Variants in EDA observed in about 807,000 individuals in gnomAD.
EDA encodes ectodysplasin-A.
EDA carries 2 observed loss-of-function variants against 23.6 expected under a neutral mutation model. The observed-to-expected ratio is 0.08, with a 90% CI of 0.03 to 0.27. The LOEUF is 0.27. Ranked by LOEUF, EDA falls within the 10% of genes least tolerant of loss-of-function variation. The probability of loss-of-function intolerance (pLI) is 1.00; values close to 1 mark genes in which losing one functional copy is unlikely to be tolerated. For synonymous variants in EDA, 131 were observed against 132.0 expected (o/e 0.99, Z 0.05); for missense variants, 229 against 324.2 (o/e 0.71, Z 2.26).
intron 1 of EDA, among the ~76,000 whole-genome samples, chrX:69,925,875 G>A (rs2018510572): frequency 9.3e-6 from 1 of 107,697 alleles, no homozygotes; most frequent in African/African-American, 3.4e-5. Flanking sequence ...TTTCTTCCTG[G>A]TTTAGTCTTG....
intron 1 of EDA, among the ~76,000 whole-genome samples, chrX:69,799,232 A>G (rs940557789): frequency 5.4e-5 from 6 of 111,606 alleles, no homozygotes; most frequent in African/African-American, 2.0e-4. Context: ...CTATGAAACT[A>G]CTAAAAGAAA....
intron 1 of EDA, among the ~76,000 whole-genome samples, chrX:69,728,422 G>A (rs1396334928): frequency 8.9e-6 from 1 of 111,945 alleles, no homozygotes; most frequent in African/African-American, 3.3e-5. Context: ...AAAACATCCT[G>A]TGGAGAAAGA....
At chrX:69,893,455 A>G (rs766090668) in intron 1 of EDA, among the ~76,000 whole-genome samples, 1 of 112,028 alleles carries the variant, frequency 8.9e-6, no homozygotes, top group Non-Finnish European at 1.9e-5. Context: ...TGAATCCAAG[A>G]CAGGTTTAGT....
At chrX:69,713,776 A>G (rs1406739345) in intron 1 of EDA, among the ~76,000 whole-genome samples, 1 of 111,894 alleles carries the variant, frequency 8.9e-6, no homozygotes. Context: ...CTGTTGAAGG[A>G]CATCAAGGCT....
At chrX:69,692,227 A>G (rs1040854887) in intron 1 of EDA, among the ~76,000 whole-genome samples, 5 of 111,480 alleles carry the variant, frequency 4.5e-5, no homozygotes, top group Non-Finnish European at 7.5e-5. Context: ...CACTCTATGG[A>G]TTGCCTGTAC....
intron 1 of EDA, among the ~76,000 whole-genome samples, chrX:69,918,893 C>T (rs2018385075): frequency 9.0e-6 from 1 of 111,088 alleles, no homozygotes; most frequent in Admixed American, 9.6e-5. Flanking sequence ...GAAATGGCCA[C>T]TGATGATGAA....
At position 69,648,569 on chromosome X, in the gene EDA, C is replaced by T. The variant is rs189817642; in HGVS notation, c.396+31865C>T. On this transcript the variant is annotated intron_variant, in intron 1 of 7. Coordinates refer to ENST00000374552, the MANE Select transcript of EDA (RefSeq NM_001399.5). ...TGGCAGGTTGGAATGGCTGAGTCTACGGATCAGCAGAGATGGTGGCCGCCC... is the reference window on the plus strand; with the variant it reads ...TGGCAGGTTGGAATGGCTGAGTCTATGGATCAGCAGAGATGGTGGCCGCCC... Among the ~76,000 whole-genome samples, 55 of 112,552 alleles carry T rather than the reference C, an allele frequency of 4.9e-4. No individual in the cohort carries two copies. In the East Asian group the frequency reaches 0.011, roughly 23 times the overall value.
At chrX:69,845,636 A>G (rs888311712) in intron 1 of EDA, among the ~76,000 whole-genome samples, 1 of 112,074 alleles carries the variant, frequency 8.9e-6, no homozygotes, top group Non-Finnish European at 1.9e-5. Flanking sequence ...GATTTTTGAT[A>G]TTAACACCCT....
chrX:69,616,775 G>A, intron 1 of EDA, 71 bp downstream of exon 1: 1 of 1,184,394 alleles, frequency 8.4e-7, no homozygotes, highest in Admixed American at 2.2e-5. Context: ...CCGCCACAGG[G>A]GCCTGGGAGC....
At chrX:69,677,872 T>A (rs756037096) in intron 1 of EDA, among the ~76,000 whole-genome samples, 2,761 of 111,841 alleles carry the variant, frequency 0.025, 40 homozygotes, top group Middle Eastern at 0.062. Flanking sequence ...TTGCTTTTGG[T>A]GTTTTAGACA....
chrX:69,663,508 T>A (rs1602265878), intron 1 of EDA, among the ~76,000 whole-genome samples: 1 of 112,574 alleles, frequency 8.9e-6, no homozygotes, highest in South Asian at 3.7e-4. Flanking sequence ...TGTATGGAAA[T>A]GCCTGGATGT....
chrX:69,858,905 T>C (rs1219706922), intron 1 of EDA, among the ~76,000 whole-genome samples: 2 of 111,516 alleles, frequency 1.8e-5, no homozygotes, highest in Non-Finnish European at 3.8e-5. Context: ...GCCTCACTTA[T>C]GGAGCTTGTT....
At chrX:69,682,748 T>C (rs1347471846) in intron 1 of EDA, among the ~76,000 whole-genome samples, 1 of 110,898 alleles carries the variant, frequency 9.0e-6, no homozygotes, top group African/African-American at 3.3e-5. Context: ...ATGAACCCGG[T>C]ATGTCAGATG....
chrX:69,727,554 TC>T (rs1447580082), intron 1 of EDA, among the ~76,000 whole-genome samples: 2 of 112,359 alleles, frequency 1.8e-5, no homozygotes, highest in Non-Finnish European at 1.9e-5. Context: ...TTATGAGGGC[TC>T]TGCCCTCATG....
intron 1 of EDA, among the ~76,000 whole-genome samples, chrX:69,844,587 G>A (rs771928508): frequency 8.9e-6 from 1 of 112,431 alleles, no homozygotes; most frequent in African/African-American, 3.2e-5. Flanking sequence ...CAAGCCTCCT[G>A]GTCCTAGTAG....
chrX:69,788,338 A>G (rs79914722), intron 1 of EDA, among the ~76,000 whole-genome samples: 42,481 of 111,629 alleles, frequency 0.38, 7,134 homozygotes, highest in Middle Eastern at 0.64. Context: ...CTAGTGAGGA[A>G]CTACGTTCCT....
In EDA at chrX:69,921,967, T is replaced by A. The variant is rs72628841; in HGVS notation, c.397-35060T>A. On this transcript the variant is annotated intron_variant, in intron 1 of 7. Transcript: ENST00000374552. ...CCACCTACTCAACCCTCCCTCCTCC[T>A]CCACATACCTCTGACAACCACTGAT... Among the ~76,000 whole-genome samples the A allele has an allele frequency of 3.0e-4, 33 of 111,232 alleles. No homozygotes were observed. In the East Asian group the frequency reaches 6.7e-3, roughly 23 times the overall value.
At chrX:69,778,279 G>T (rs1419936266) in intron 1 of EDA, among the ~76,000 whole-genome samples, 1 of 111,260 alleles carries the variant, frequency 9.0e-6, no homozygotes, top group Non-Finnish European at 1.9e-5. Context: ...TCAAGCTGGC[G>T]AGCCAAAGCA....
intron 1 of EDA, among the ~76,000 whole-genome samples, chrX:69,666,276 G>C (rs1256107986): frequency 1.8e-5 from 2 of 111,787 alleles, no homozygotes; most frequent in African/African-American, 6.5e-5. Flanking sequence ...TCTTATTTGG[G>C]TATCTTTTGT....
Sources: gnomAD v4.1 joint callset for allele counts (sites outside exome capture counted in the v4.1 genomes callset) on GRCh38, gnomAD v4.1.1 for gene constraint, MANE v1.5 for transcripts, NCBI Gene and HGNC (gene_info 2026-07-23, HGNC 2026-07-21) for gene names.